SUCLG2: variants seen among roughly 807,000 people sequenced by gnomAD.
The protein encoded by SUCLG2 is succinate-CoA ligase GDP-forming subunit beta, also known as succinate--CoA ligase [GDP-forming] subunit beta, mitochondrial.
SUCLG2 carries 42 observed loss-of-function variants against 47.9 expected under a neutral mutation model. The ratio of observed to expected loss-of-function variants is 0.88; its 90% CI spans 0.69 to 1.14. SUCLG2 has a LOEUF of 1.14. Ranked by LOEUF, SUCLG2 falls within the 50% of genes most tolerant of loss-of-function variation. SUCLG2 has a pLI of 0.00. For missense variants in SUCLG2, 571 were observed against 525.9 expected (o/e 1.09, Z -0.84); for synonymous variants, 195 against 197.3 (o/e 0.99, Z 0.10).
intron 9 of SUCLG2, chr3:67,408,560 G>C (rs1429271036): frequency 1.1e-6 from 1 of 935,854 alleles, no homozygotes; most frequent in Non-Finnish European, 1.3e-6. Context: ...GGAGAGTCAA[G>C]TTTCCATTCA....
intron 9 of SUCLG2, among the ~76,000 whole-genome samples, chr3:67,490,050 A>C (rs1705166692): frequency 2.6e-5 from 4 of 152,132 alleles, no homozygotes; most frequent in Admixed American, 6.5e-5. Flanking sequence ...TGCCCTATAA[A>C]AGTCTTCCCT....
At chr3:67,499,259 G>T (rs904277199) in intron 7 of SUCLG2, among the ~76,000 whole-genome samples, 1 of 152,078 alleles carries the variant, frequency 6.6e-6, no homozygotes, top group African/African-American at 2.4e-5. Context: ...GCAATTTCCA[G>T]CATACATTAC....
intron 2 of SUCLG2, among the ~76,000 whole-genome samples, chr3:67,546,965 C>G (rs144187975): frequency 6.6e-6 from 1 of 152,270 alleles, no homozygotes; most frequent in African/African-American, 2.4e-5. Context: ...GCATATAAGT[C>G]TATTCCTCCT....
At chr3:67,528,287 TAC>T (rs1446918447) in intron 3 of SUCLG2, 65 bp from the exon 4 acceptor site, 24 of 1,435,124 alleles carry the variant, frequency 1.7e-5, no homozygotes, top group Non-Finnish European at 1.9e-5. Flanking sequence ...TGAGAGTCCT[TAC>T]ACAGAGCCTC....
chr3:67,567,718 C>G (rs1407924452), intron 2 of SUCLG2, among the ~76,000 whole-genome samples: 2 of 152,098 alleles, frequency 1.3e-5, no homozygotes, highest in Non-Finnish European at 2.9e-5. Flanking sequence ...CATTCGAAGA[C>G]CCTAAAATTG....
intron 2 of SUCLG2, among the ~76,000 whole-genome samples, chr3:67,581,918 G>A (rs918822181): frequency 5.9e-5 from 9 of 152,168 alleles, no homozygotes; most frequent in Non-Finnish European, 4.4e-5. Flanking sequence ...AAATCAGTAA[G>A]AGTTGTAAAT....
chr3:67,507,432 T>A (rs1393071832), intron 7 of SUCLG2, among the ~76,000 whole-genome samples: 1 of 152,118 alleles, frequency 6.6e-6, no homozygotes, highest in Non-Finnish European at 1.5e-5. Context: ...CTATTTTGTA[T>A]CTGACACTGC....
At chr3:67,553,682 C>T (rs1304893721) in intron 2 of SUCLG2, among the ~76,000 whole-genome samples, 1 of 152,116 alleles carries the variant, frequency 6.6e-6, no homozygotes, top group Non-Finnish European at 1.5e-5. Flanking sequence ...TTAAATTGCA[C>T]CAGTAACTCC....
At chr3:67,650,031 A>C (rs916200492) in intron 1 of SUCLG2, among the ~76,000 whole-genome samples, 3 of 152,252 alleles carry the variant, frequency 2.0e-5, no homozygotes, top group African/African-American at 7.2e-5. Context: ...ATTTAGGACA[A>C]AGCTATCACT....
intron 2 of SUCLG2, among the ~76,000 whole-genome samples, chr3:67,560,122 A>G (rs1368750673): frequency 2.6e-5 from 4 of 152,232 alleles, no homozygotes; most frequent in Non-Finnish European, 4.4e-5. Context: ...ACTGTGTCTC[A>G]GGACCTCTGA....
intron 2 of SUCLG2, among the ~76,000 whole-genome samples, chr3:67,592,272 C>G (rs1708182071): frequency 6.6e-6 from 1 of 152,176 alleles, no homozygotes; most frequent in African/African-American, 2.4e-5. Flanking sequence ...ACTTGATCAG[C>G]CAGCCCTTCA....
intron 2 of SUCLG2, among the ~76,000 whole-genome samples, chr3:67,589,217 T>G (rs974015405): frequency 2.2e-4 from 34 of 152,222 alleles, no homozygotes; most frequent in Non-Finnish European, 7.3e-5. Context: ...CGACCCTTGG[T>G]CCCACCCTTA....
At chr3:67,591,380 C>T (rs958818903) in intron 2 of SUCLG2, among the ~76,000 whole-genome samples, 2 of 152,172 alleles carry the variant, frequency 1.3e-5, no homozygotes, top group Non-Finnish European at 2.9e-5. Flanking sequence ...AAAGTCAAAA[C>T]CCCTTTTCAC....
At chr3:67,513,804 T>C (rs564649177) in intron 6 of SUCLG2, 1 of 152,442 alleles carries the variant, frequency 6.6e-6, no homozygotes, top group South Asian at 2.1e-4. Context: ...TTTTTAAAAA[T>C]TAAAATTCGT....
intron 9 of SUCLG2, among the ~76,000 whole-genome samples, chr3:67,471,638 G>A (rs939619667): frequency 2.0e-5 from 3 of 152,162 alleles, no homozygotes; most frequent in African/African-American, 7.2e-5. Flanking sequence ...AGGTGTGGGA[G>A]AGAAATGATG....
chr3:67,617,094 C>T (rs1037056595), intron 1 of SUCLG2, among the ~76,000 whole-genome samples: 3 of 152,062 alleles, frequency 2.0e-5, no homozygotes, highest in East Asian at 1.9e-4. Context: ...AATATGAGGC[C>T]TCAAATAAAT....
intron 10 of SUCLG2, among the ~76,000 whole-genome samples, chr3:67,388,039 C>G (rs1362714597): frequency 6.6e-6 from 1 of 151,828 alleles, no homozygotes; most frequent in East Asian, 1.9e-4. Context: ...CTAATAGGAC[C>G]TGCTTCTATC....
At chr3:67,391,433 G>A (rs1193300746) in intron 10 of SUCLG2, among the ~76,000 whole-genome samples, 1 of 152,138 alleles carries the variant, frequency 6.6e-6, no homozygotes, top group Non-Finnish European at 1.5e-5. Context: ...GTCTGCTGGA[G>A]GAGAGAAAGA....
chr3:67,568,436 G>C (rs1707524194), intron 2 of SUCLG2, among the ~76,000 whole-genome samples: 1 of 152,196 alleles, frequency 6.6e-6, no homozygotes, highest in African/African-American at 2.4e-5. Flanking sequence ...AGAGATAAAT[G>C]AGAGAGAAAA....
Sources: gnomAD v4.1 joint callset for allele counts (sites outside exome capture counted in the v4.1 genomes callset) on GRCh38, gnomAD v4.1.1 for gene constraint, MANE v1.5 for transcripts, NCBI Gene and HGNC (gene_info 2026-07-23, HGNC 2026-07-21) for gene names.